The following COX16 variants were observed in gnomAD, a reference collection of about 807,000 sequenced individuals.
COX16 encodes cytochrome c oxidase assembly protein COX16 homolog, mitochondrial.
COX16 carries 12 observed loss-of-function variants against 15.4 expected under a neutral mutation model. The observed-to-expected ratio is 0.78, with a 90% confidence interval of 0.50 to 1.26. The LOEUF (loss-of-function observed/expected upper bound fraction) is 1.26. Ranked by LOEUF, COX16 falls within the 50% of genes most tolerant of loss-of-function variation. The pLI is 0.00. For synonymous variants in COX16, 46 were observed against 41.1 expected, an observed-to-expected ratio of 1.12 and a Z score of -0.46; for missense variants, 124 against 127.6, an observed-to-expected ratio of 0.97 and a Z score of 0.14.
intron 1 of COX16, among the ~76,000 whole-genome samples, chr14:70,348,348 C>T (rs1327782951): frequency 3.9e-5 from 6 of 152,224 alleles, no homozygotes; most frequent in Non-Finnish European, 8.8e-5. Flanking sequence ...CCCCAAATCA[C>T]CGTGCTAACC....
At chr14:70,336,298 T>A (rs1216786297) in intron 2 of COX16, among the ~76,000 whole-genome samples, 3 of 151,968 alleles carry the variant, frequency 2.0e-5, no homozygotes, top group African/African-American at 7.2e-5. Flanking sequence ...AGCGCAGTAG[T>A]GTTTATGCTA....
intron 2 of COX16, among the ~76,000 whole-genome samples, chr14:70,339,130 C>T (rs1276535529): frequency 1.3e-5 from 2 of 152,146 alleles, no homozygotes; most frequent in Admixed American, 6.5e-5. Flanking sequence ...CAGGCAAAGT[C>T]GAAGACTTAC....
At chr14:70,339,459 A>G (rs996728654) in intron 2 of COX16, among the ~76,000 whole-genome samples, 1 of 152,064 alleles carries the variant, frequency 6.6e-6, no homozygotes, top group African/African-American at 2.4e-5. Context: ...TCAAGCAAAC[A>G]ATGACGGTTG....
chr14:70,343,696 T>C (rs867840852), intron 1 of COX16, among the ~76,000 whole-genome samples: 4 of 152,218 alleles, frequency 2.6e-5, no homozygotes, highest in African/African-American at 9.6e-5. Context: ...TCTTAAGATA[T>C]ACAGAATCAC....
intron 1 of COX16, among the ~76,000 whole-genome samples, chr14:70,349,149 T>C (rs1395994542): frequency 2.6e-5 from 4 of 152,220 alleles, no homozygotes; most frequent in Non-Finnish European, 5.9e-5. Flanking sequence ...TTCTCCGCCC[T>C]GTTCTCACTT....
chr14:70,351,067 C>A (rs900085445), intron 1 of COX16, among the ~76,000 whole-genome samples: 1 of 152,184 alleles, frequency 6.6e-6, no homozygotes, highest in Non-Finnish European at 1.5e-5. Context: ...TACTAAATGA[C>A]TGAAGCCATT....
chr14:70,356,232 T>G (rs1887121739), intron 1 of COX16, among the ~76,000 whole-genome samples: 3 of 147,198 alleles, frequency 2.0e-5, no homozygotes, highest in Non-Finnish European at 3.0e-5. Flanking sequence ...GGATGGCAGT[T>G]TGGGGATGAA....
chr14:70,353,489 TAGAG>T (rs1360431434), intron 1 of COX16, among the ~76,000 whole-genome samples: 1 of 128,916 alleles, frequency 7.8e-6, no homozygotes, highest in East Asian at 2.0e-4. Context: ...CACACACACA[TAGAG>T]ATAGATAGAT....
At chr14:70,352,312 G>A (rs201632090) in intron 1 of COX16, among the ~76,000 whole-genome samples, 148 of 150,060 alleles carry the variant, frequency 9.9e-4, no homozygotes, top group African/African-American at 3.0e-3. Flanking sequence ...TCAGCCTCCC[G>A]AGTAGCTGGG....
chr14:70,348,134 G>A (rs1214590969), intron 1 of COX16, among the ~76,000 whole-genome samples: 2 of 152,178 alleles, frequency 1.3e-5, no homozygotes, highest in African/African-American at 2.4e-5. Flanking sequence ...ACAGCTTGAA[G>A]CCACAGTTCT....
chr14:70,337,702 G>A (rs1377467920), intron 2 of COX16, among the ~76,000 whole-genome samples: 1 of 151,858 alleles, frequency 6.6e-6, no homozygotes, highest in African/African-American at 2.4e-5. Context: ...AGATATCAAA[G>A]GAAAAAATAG....
At chr14:70,329,882 T>C (rs1166595147) in intron 2 of COX16, among the ~76,000 whole-genome samples, 3 of 151,300 alleles carry the variant, frequency 2.0e-5, no homozygotes, top group Non-Finnish European at 4.4e-5. Context: ...ATAAGTAAAA[T>C]AGAAGCATAA....
Position 70,342,338 on chromosome 14 carries a change from C to T in COX16, c.141+320G>A, listed in dbSNP as rs144571381. The stretch of plus-strand genomic sequence containing the variant: ...GCGCACACCTGTAATCTCAGCTACT[C>T]GGGAGGCTGAGACAAGAGAATTGCT... On this transcript the variant is annotated intron_variant, in intron 2 of 3. Transcript: ENST00000389912. 1.2e-3 allele frequency among the ~76,000 whole-genome samples: 188 copies of T among 152,102 alleles called. 2 individuals carry two copies. In the East Asian group the frequency reaches 0.021, roughly 17 times the overall value.
chr14:70,347,161 G>A (rs1159137125), intron 1 of COX16, among the ~76,000 whole-genome samples: 2 of 151,976 alleles, frequency 1.3e-5, no homozygotes, highest in African/African-American at 4.8e-5. Context: ...TAGGCCTAAA[G>A]CCTATCATTT....
chr14:70,329,045 C>T, intron 3 of COX16, 129 bp downstream of exon 3: 4 of 581,714 alleles, frequency 6.9e-6, no homozygotes, highest in Non-Finnish European at 9.3e-6. Context: ...ATTTGCTTTT[C>T]AAATGATTAT....
chr14:70,347,789 C>G (rs1352345265), intron 1 of COX16, among the ~76,000 whole-genome samples: 1 of 152,170 alleles, frequency 6.6e-6, no homozygotes, highest in African/African-American at 2.4e-5. Context: ...CCACATATCC[C>G]TCCTCCAGTC....
chr14:70,330,539 G>C (rs1384324670), intron 2 of COX16, among the ~76,000 whole-genome samples: 1 of 152,084 alleles, frequency 6.6e-6, no homozygotes, highest in South Asian at 2.1e-4. Context: ...TAACAGGCCA[G>C]CTTCATATAT....
chr14:70,344,605 G>A (rs1436241965), intron 1 of COX16, among the ~76,000 whole-genome samples: 3 of 152,194 alleles, frequency 2.0e-5, no homozygotes, highest in African/African-American at 7.2e-5. Flanking sequence ...TTGGATTTCA[G>A]AAGACACCTG....
chr14:70,345,122 C>T (rs192023550), intron 1 of COX16, among the ~76,000 whole-genome samples: 44 of 152,320 alleles, frequency 2.9e-4, no homozygotes, highest in Admixed American at 2.5e-3. Flanking sequence ...CCACAGCAGC[C>T]AGACAAAGGA....
Sources: gnomAD v4.1 joint callset for allele counts (sites outside exome capture counted in the v4.1 genomes callset) on GRCh38, gnomAD v4.1.1 for gene constraint, MANE v1.5 for transcripts, NCBI Gene and HGNC (gene_info 2026-07-23, HGNC 2026-07-21) for gene names.